The following NELFB variants were observed in gnomAD, a reference collection of about 807,000 sequenced individuals.
The protein encoded by NELFB is negative elongation factor B.
Under a neutral mutation model 60.2 loss-of-function variants are expected in NELFB, and 34 were observed. The observed-to-expected ratio is 0.56, with a 90% confidence interval of 0.43 to 0.75. The LOEUF is 0.75. NELFB is among the 30% of genes least tolerant of loss of function. The pLI is 0.00. For missense variants in NELFB, 770 were observed against 831.6 expected (o/e 0.93, Z 0.91); for synonymous variants, 459 against 382.1 (o/e 1.20, Z -2.35).
At chr9:137,264,131 C>T (rs1830490133) in intron 5 of NELFB, 114 bp from the exon 6 acceptor site, 1 of 746,104 alleles carries the variant, frequency 1.3e-6, no homozygotes, top group East Asian at 2.7e-5. Flanking sequence ...GCTGCCGCCC[C>T]CCGCAGCAGC....
chr9:137,261,130 CAGG>C (rs879518559), intron 4 of NELFB, among the ~76,000 whole-genome samples: 14 of 151,104 alleles, frequency 9.3e-5, no homozygotes, highest in Non-Finnish European at 1.3e-4. Flanking sequence ...ATCATGAGGT[CAGG>C]AGATCGAGAC....
At chr9:137,261,184 C>G (rs1478393373) in intron 4 of NELFB, among the ~76,000 whole-genome samples, 1 of 146,658 alleles carries the variant, frequency 6.8e-6, no homozygotes, top group Non-Finnish European at 1.5e-5. Flanking sequence ...ACTAAAAATA[C>G]AAAAAATTAG....
At chr9:137,265,114 C>T (rs1830502326) in intron 6 of NELFB, among the ~76,000 whole-genome samples, 1 of 146,538 alleles carries the variant, frequency 6.8e-6, no homozygotes, top group African/African-American at 2.5e-5. Context: ...CCTCAACCTC[C>T]TGGGCATTGA....
intron 4 of NELFB, among the ~76,000 whole-genome samples, chr9:137,257,732 C>G: frequency 2.0e-5 from 3 of 151,632 alleles, no homozygotes; most frequent in African/African-American, 7.3e-5. Flanking sequence ...GAACTCCTGA[C>G]CTCAGGTGAT....
At chr9:137,265,630 C>A (rs1486843898) in intron 6 of NELFB, among the ~76,000 whole-genome samples, 1 of 151,704 alleles carries the variant, frequency 6.6e-6, no homozygotes, top group Non-Finnish European at 1.5e-5. Context: ...CCTGGTGATC[C>A]ATCCGCCTCG....
rs189517882 is a variant in NELFB, at chr9:137,259,787, C to T, written c.741+2733C>T. Among the ~76,000 whole-genome samples the T allele has an allele frequency of 7.3e-4, 109 of 150,286 alleles. No individual in the cohort carries two copies. In the East Asian group the frequency reaches 9.4e-3, roughly 13 times the overall value. On this transcript the variant is annotated intron_variant, in intron 4 of 12. Transcript: ENST00000343053. ...TCACCCAGGCTGGAGTGCAGTGGCA[C>T]GATCTTGGCTCACTGCAAGCTCCGC...
chr9:137,256,265 G>A (rs1361885977), intron 2 of NELFB, 64 bp from the exon 3 acceptor site: 12 of 1,508,040 alleles, frequency 8.0e-6, no homozygotes, highest in African/African-American at 2.7e-5. Flanking sequence ...TCTGTGTAGG[G>A]ACAGGCAGGT....
rs140244326 is a variant in NELFB, at chr9:137,261,297, G to A, written c.742-1740G>A. ...GGAGCTTGCAGTGAGCTGAGATCAC[G>A]CCACTGCACTCCAGCCTGGGTAACA... On this transcript the variant is annotated intron_variant, in intron 4 of 12. Coordinates refer to ENST00000343053, the MANE Select transcript of NELFB (RefSeq NM_015456.5). Among the ~76,000 whole-genome samples, 569 of 144,800 alleles carry A rather than the reference G, an allele frequency of 3.9e-3. 2 individuals carry two copies. Among genetic ancestry groups the A allele is most frequent in the East Asian group, 0.017 (84 of 4,892 alleles). The allele number at this position is 144,800 out of a possible 152,430, so 95.0% of individuals were successfully genotyped here. A position where few individuals can be genotyped will look rare whatever the true frequency, so the allele number is the denominator to read the frequency against.
chr9:137,256,509 G>A, intron 3 of NELFB, 81 bp downstream of exon 3: 7 of 1,283,212 alleles, frequency 5.5e-6, no homozygotes, highest in Middle Eastern at 5.2e-4. Context: ...TCCGGTGGCC[G>A]CCTAGCTCCG....
At chr9:137,259,387 G>A (rs537261112) in intron 4 of NELFB, among the ~76,000 whole-genome samples, 1 of 152,264 alleles carries the variant, frequency 6.6e-6, no homozygotes, top group Non-Finnish European at 1.5e-5. Context: ...GCTTGTTGGG[G>A]GTGGCAGTGC....
intron 10 of NELFB, among the ~76,000 whole-genome samples, chr9:137,267,647 C>A (rs919477406): frequency 6.6e-6 from 1 of 152,024 alleles, no homozygotes; most frequent in African/African-American, 2.4e-5. Context: ...GCGCGTGCCA[C>A]CGTGCCAGGC....
rs60479210 is a variant in NELFB at position 137,265,031 on chromosome 9, CTTTTTTT to C, written c.1040+691_1040+697del. 6.9e-3 allele frequency among the ~76,000 whole-genome samples: 872 copies of C among 126,158 alleles called. 3 individuals carry two copies. Among genetic ancestry groups the C allele is most frequent in the Admixed American group, 0.014 (165 of 12,206 alleles). 82.8% of individuals were successfully genotyped at this position (126,158 alleles called of 152,430 possible). A position where few individuals can be genotyped will look rare whatever the true frequency, so the allele number is the denominator to read the frequency against. On this transcript the variant is annotated intron_variant, in intron 6 of 12. Transcript: ENST00000343053. ...CCTGCCTTTGCCACTTTTTTTCTTC[CTTTTTTT>C]TTTTTTTTTTTTTTTTCTGAGACAG...
intron 11 of NELFB, 78 bp from the exon 12 acceptor site, chr9:137,272,429 T>G: frequency 6.7e-7 from 1 of 1,488,510 alleles, no homozygotes; most frequent in East Asian, 2.4e-5. Context: ...CCAGGGGCCT[T>G]GGCCACCTGC....
rs1837545153 is a variant in NELFB at position 137,256,009 on chromosome 9, C to G, written c.349C>G (p.Leu117Val). The change falls in exon 2 of 13, where the codon CTG (leucine) becomes GTG (valine). Residue 117 changes from leucine (L) to valine (V), a missense_variant. Transcript: ENST00000343053. ...GTTCCACCAGTCGGTATTCGATGAG[C>G]TGCGGGACAAGCTGCTGGAGCGAGT... 3 of 1,613,936 alleles carry G rather than the reference C, an allele frequency of 1.9e-6. No individual in the cohort carries two copies. Among genetic ancestry groups the G allele is most frequent in the Non-Finnish European group, 2.5e-6 (3 of 1,180,028 alleles).
At chr9:137,263,677 C>G (rs901505151) in intron 5 of NELFB, among the ~76,000 whole-genome samples, 1 of 151,900 alleles carries the variant, frequency 6.6e-6, no homozygotes, top group African/African-American at 2.4e-5. Flanking sequence ...GGAGGCTAGT[C>G]CCCTGCATCT....
Position 137,264,364 on chromosome 9 carries a change from G to A in NELFB, c.1040+7G>A. The A allele has an allele frequency of 6.4e-7, 1 of 1,572,486 alleles. No homozygotes were observed. The highest frequency in any genetic ancestry group is 8.6e-7 in the Non-Finnish European group (1 of 1,159,942). On this transcript the variant is annotated splice_region_variant and intron_variant, in intron 6 of 12. Transcript: ENST00000343053. ...GCCAGGAGCAGGTGCTGGGGTGAGGGTCGGCTCCACGAGGCCTCTGCCCCT... is the reference window on the plus strand; with the variant it reads ...GCCAGGAGCAGGTGCTGGGGTGAGGATCGGCTCCACGAGGCCTCTGCCCCT...
Position 137,256,627 on chromosome 9 carries a change from G to A in NELFB, c.511-197G>A, listed in dbSNP as rs55813024. Among the ~76,000 whole-genome samples, 535 of 152,338 alleles carry A rather than the reference G, an allele frequency of 3.5e-3. 2 individuals carry two copies. The highest frequency in any genetic ancestry group is 0.012 in the African/African-American group (501 of 41,578). On this transcript the variant is annotated intron_variant, in intron 3 of 12. Coordinates refer to ENST00000343053, the MANE Select transcript of NELFB (RefSeq NM_015456.5). Reference sequence around the variant, plus strand: ...AACCTTAGCACTGGAGTTAGGGTGTGGGGCCCCTCCTGGGAAAGAGCTGTT... The same window carrying A: ...AACCTTAGCACTGGAGTTAGGGTGTAGGGCCCCTCCTGGGAAAGAGCTGTT...
chr9:137,257,466 G>A (rs980955216), intron 4 of NELFB, among the ~76,000 whole-genome samples: 9 of 151,204 alleles, frequency 6.0e-5, no homozygotes, highest in Non-Finnish European at 8.8e-5. Context: ...GGGACTACAG[G>A]CGCCCGCCAC....
At position 137,265,387 on chromosome 9, in the gene NELFB, C is replaced by CTTTTTTTTTTTTTT. The variant is rs66744887; in HGVS notation, c.1041-484_1041-471dup. ...TTAAGGACAAATTGCAAACCTTAAG[C>CTTTTTTTTTTTTTT]TTTTTTTTTTTTTTTTTTTGAGACA... On this transcript the variant is annotated intron_variant, in intron 6 of 12. Transcript: ENST00000343053. Among the ~76,000 whole-genome samples the CTTTTTTTTTTTTTT allele has an allele frequency of 3.6e-4, 33 of 91,836 alleles. 4 individuals carry two copies. The highest frequency in any genetic ancestry group is 1.1e-3 in the East Asian group (3 of 2,616). The allele number at this position is 91,836 out of a possible 152,430, so 60.2% of individuals were successfully genotyped here.
Sources: allele counts gnomAD v4.1 joint callset (sites outside exome capture counted in the v4.1 genomes callset), GRCh38; gene constraint gnomAD v4.1.1; transcripts MANE v1.5; gene names NCBI Gene and HGNC (gene_info 2026-07-23, HGNC 2026-07-21).